Variants in NR3C2 observed in about 807,000 individuals in gnomAD.
NR3C2 encodes the protein nuclear receptor subfamily 3 group C member 2, also known as mineralocorticoid receptor.
A neutral mutation model predicts 86.4 loss-of-function variants in NR3C2; 15 were observed. The observed-to-expected ratio is 0.17, with a 90% confidence interval of 0.12 to 0.27. NR3C2 has a LOEUF of 0.27. Among genes scored for constraint, NR3C2 ranks in the 10% least tolerant of loss-of-function variants. The pLI is 1.00. For synonymous variants in NR3C2, 458 were observed against 450.5 expected, an observed-to-expected ratio of 1.02 and a Z score of -0.21; for missense variants, 960 against 1,195.6, an observed-to-expected ratio of 0.80 and a Z score of 2.91.
At chr4:148,273,827 C>G (rs1740816628) in intron 2 of NR3C2, among the ~76,000 whole-genome samples, 1 of 152,172 alleles carries the variant, frequency 6.6e-6, no homozygotes, top group African/African-American at 2.4e-5. Flanking sequence ...GTTGGAAGGG[C>G]TATCAGAAAC....
At chr4:148,310,719 C>T (rs1477615634) in intron 2 of NR3C2, among the ~76,000 whole-genome samples, 6 of 152,250 alleles carry the variant, frequency 3.9e-5, no homozygotes, top group South Asian at 2.1e-4. Flanking sequence ...TTTAATTATT[C>T]GGGTTAATTT....
chr4:148,225,750 A>C (rs1246623641), intron 3 of NR3C2, among the ~76,000 whole-genome samples: 1 of 152,136 alleles, frequency 6.6e-6, no homozygotes, highest in Non-Finnish European at 1.5e-5. Flanking sequence ...TATTAACAAA[A>C]ACCACATTCC....
At chr4:148,134,636 TCTCTC>T (rs1733196654) in intron 6 of NR3C2, among the ~76,000 whole-genome samples, 27 of 119,554 alleles carry the variant, frequency 2.3e-4, no homozygotes, top group African/African-American at 9.9e-4. Context: ...TCTCTCTCTC[TCTCTC>T]TCTTTTTTTT....
At chr4:148,282,019 C>A (rs548701610) in intron 2 of NR3C2, among the ~76,000 whole-genome samples, 1 of 152,056 alleles carries the variant, frequency 6.6e-6, no homozygotes, top group South Asian at 2.1e-4. Context: ...TTATGAGTAT[C>A]TCTTACTTAT....
Position 148,321,128 on chromosome 4 carries a change from G to A in NR3C2, c.1758-61011C>T, listed in dbSNP as rs1022425592. On this transcript the variant is annotated intron_variant, in intron 2 of 8. Transcript: ENST00000358102. ...ACATCTTCATTTCTGCCTTCATTTCGTTATGTACCCAGTAGTCATTCAGGA... is the reference window on the plus strand; with the variant it reads ...ACATCTTCATTTCTGCCTTCATTTCATTATGTACCCAGTAGTCATTCAGGA... Among the ~76,000 whole-genome samples, 94 of 146,368 alleles carry A rather than the reference G, an allele frequency of 6.4e-4. 1 individual carries two copies. The highest frequency in any genetic ancestry group is 2.1e-3 in the African/African-American group (84 of 40,842).
intron 2 of NR3C2, among the ~76,000 whole-genome samples, chr4:148,400,210 T>G (rs1357286369): frequency 6.6e-6 from 1 of 152,184 alleles, no homozygotes; most frequent in Non-Finnish European, 1.5e-5. Context: ...TATCAAAAAT[T>G]CAAAAACCTT....
intron 2 of NR3C2, among the ~76,000 whole-genome samples, chr4:148,380,554 T>G (rs115438674): frequency 0.022 from 3,398 of 152,320 alleles, 92 homozygotes; most frequent in Admixed American, 0.086. Context: ...CATTTTACAT[T>G]CCCACCAGCA....
intron 2 of NR3C2, among the ~76,000 whole-genome samples, chr4:148,323,909 T>A (rs757297199): frequency 6.6e-6 from 1 of 152,128 alleles, no homozygotes; most frequent in Non-Finnish European, 1.5e-5. Flanking sequence ...CTCCCCTCTA[T>A]CTCATTTTTA....
chr4:148,225,104 T>C (rs377061678), intron 3 of NR3C2, among the ~76,000 whole-genome samples: 44 of 152,282 alleles, frequency 2.9e-4, no homozygotes, highest in African/African-American at 9.4e-4. Flanking sequence ...ATGAAAATAC[T>C]GCAGATGAAC....
intron 8 of NR3C2, among the ~76,000 whole-genome samples, chr4:148,112,198 G>A (rs1381538479): frequency 1.3e-5 from 2 of 151,882 alleles, no homozygotes; most frequent in East Asian, 3.9e-4. Flanking sequence ...ATTGTGCTAT[G>A]CTGCTTAAGA....
In NR3C2 at chr4:148,316,357, G is replaced by T. The variant is rs537229058; in HGVS notation, c.1758-56240C>A. Among the ~76,000 whole-genome samples, 610 of 152,010 alleles carry T rather than the reference G, an allele frequency of 4.0e-3. 5 individuals carry two copies. The highest frequency in any genetic ancestry group is 0.014 in the African/African-American group (579 of 41,474). On this transcript the variant is annotated intron_variant, in intron 2 of 8. Coordinates refer to ENST00000358102, the MANE Select transcript of NR3C2 (RefSeq NM_000901.5). ...ATAAAGTATATTTATATATTTATGC[G>T]GAACATGTATTATATTTATTCCCTG... is the stretch of plus-strand genomic sequence containing the variant.
chr4:148,274,193 A>G (rs879662051), intron 2 of NR3C2, among the ~76,000 whole-genome samples: 5 of 152,242 alleles, frequency 3.3e-5, no homozygotes, highest in Non-Finnish European at 7.3e-5. Flanking sequence ...CAAACATAGT[A>G]AGTGTTTTAC....
At chr4:148,273,390 C>G (rs72655270) in intron 2 of NR3C2, among the ~76,000 whole-genome samples, 1 of 152,144 alleles carries the variant, frequency 6.6e-6, no homozygotes, top group East Asian at 1.9e-4. Flanking sequence ...TATTTTGAAA[C>G]ATAAGTGACA....
chr4:148,132,433 G>GA (rs1414784208), intron 6 of NR3C2, among the ~76,000 whole-genome samples: 2 of 152,226 alleles, frequency 1.3e-5, no homozygotes, highest in South Asian at 4.2e-4. Flanking sequence ...GATTAAAAAG[G>GA]AAAAATAGTT....
chr4:148,145,600 T>C lies in NR3C2; in HGVS notation c.2510+6869A>G, dbSNP rs192904499. ...CTGAGGAGGCAAGAATTGAGGTTGC[T>C]GCAGACCCAGACAGATTCCCCCGCT... is the stretch of plus-strand genomic sequence containing the variant. On this transcript the variant is annotated intron_variant, in intron 6 of 8. Transcript: ENST00000358102. Among the ~76,000 whole-genome samples, 505 of 152,344 alleles carry C rather than the reference T, an allele frequency of 3.3e-3. 2 individuals carry two copies. The highest frequency in any genetic ancestry group is 6.1e-3 in the Non-Finnish European group (415 of 68,032).
chr4:148,405,466 A>G (rs940497284), intron 2 of NR3C2, among the ~76,000 whole-genome samples: 3 of 152,136 alleles, frequency 2.0e-5, no homozygotes, highest in Admixed American at 1.3e-4. Context: ...GGAACGCACA[A>G]AGACTTTGCT....
At chr4:148,369,808 G>T (rs1746326418) in intron 2 of NR3C2, among the ~76,000 whole-genome samples, 1 of 152,164 alleles carries the variant, frequency 6.6e-6, no homozygotes, top group African/African-American at 2.4e-5. Flanking sequence ...GGCAGTGAAG[G>T]CGATAAAATA....
Position 148,081,558 on chromosome 4 carries a change from C to G in NR3C2, c.2800-59G>C. Reference sequence around the variant, plus strand: ...GCCTCCTTTCCGACCCTGGATCCCTCTGCCTTCTGACTTTGGTGGGAACTC... The same window carrying G: ...GCCTCCTTTCCGACCCTGGATCCCTGTGCCTTCTGACTTTGGTGGGAACTC... On this transcript the variant is annotated intron_variant, in intron 8 of 8. Coordinates refer to ENST00000358102, the MANE Select transcript of NR3C2 (RefSeq NM_000901.5). 1.9e-6 allele frequency: 3 copies of G among 1,611,114 alleles called. No homozygotes were observed. In the East Asian group the frequency reaches 6.7e-5, roughly 36 times the overall value.
chr4:148,404,715 C>A (rs1748327700), intron 2 of NR3C2, among the ~76,000 whole-genome samples: 1 of 151,744 alleles, frequency 6.6e-6, no homozygotes, highest in African/African-American at 2.4e-5. Flanking sequence ...TATCAAAGCA[C>A]AAGAAAACAA....
Sources: allele counts gnomAD v4.1 joint callset (sites outside exome capture counted in the v4.1 genomes callset), GRCh38; gene constraint gnomAD v4.1.1; transcripts MANE v1.5; gene names NCBI Gene and HGNC (gene_info 2026-07-23, HGNC 2026-07-21).